The following LRP1B variants were observed in gnomAD, a reference collection of about 807,000 sequenced individuals.
LRP1B encodes low-density lipoprotein receptor-related protein 1B.
Under a neutral mutation model 556.6 loss-of-function variants are expected in LRP1B, and 217 were observed. The ratio of observed to expected loss-of-function variants is 0.39; its 90% CI spans 0.35 to 0.44. The LOEUF is 0.44. Among genes scored for constraint, LRP1B ranks in the 20% least tolerant of loss-of-function variants. The probability of loss-of-function intolerance (pLI) is 1.00; values close to 1 mark genes in which losing one functional copy is unlikely to be tolerated. For synonymous variants in LRP1B, 2,047 were observed against 1,865.8 expected, an observed-to-expected ratio of 1.10 and a Z score of -2.50; for missense variants, 5,053 against 5,620.8, an observed-to-expected ratio of 0.90 and a Z score of 3.23.
intron 2 of LRP1B, among the ~76,000 whole-genome samples, chr2:141,714,955 A>C (rs561246243): frequency 6.6e-6 from 1 of 152,244 alleles, no homozygotes; most frequent in East Asian, 1.9e-4. Flanking sequence ...AAAGATAAAG[A>C]TGTTTTATTA....
intron 1 of LRP1B, among the ~76,000 whole-genome samples, chr2:141,964,200 C>T (rs1205862239): frequency 6.6e-6 from 1 of 150,482 alleles, no homozygotes; most frequent in Non-Finnish European, 1.5e-5. Context: ...ATGCCATCCC[C>T]ATCAAGCTAC....
chr2:140,389,613 A>G (rs1178235009), intron 66 of LRP1B, among the ~76,000 whole-genome samples: 1 of 150,008 alleles, frequency 6.7e-6, no homozygotes, highest in Non-Finnish European at 1.5e-5. Context: ...CATTGCTGAG[A>G]AAAATTGAAT....
intron 2 of LRP1B, among the ~76,000 whole-genome samples, chr2:141,674,941 C>T (rs545176407): frequency 3.9e-5 from 6 of 152,082 alleles, no homozygotes; most frequent in East Asian, 3.9e-4. Context: ...TCCTCAAAAA[C>T]GCTGGCTACT....
At chr2:142,042,246 CAAT>C (rs1704090589) in intron 1 of LRP1B, among the ~76,000 whole-genome samples, 2 of 151,164 alleles carry the variant, frequency 1.3e-5, no homozygotes, top group African/African-American at 2.4e-5. Context: ...TGGAAAACTG[CAAT>C]AATGATGATG....
At chr2:140,854,060 T>TAAA (rs33945219) in intron 27 of LRP1B, among the ~76,000 whole-genome samples, 1 of 108,830 alleles carries the variant, frequency 9.2e-6, no homozygotes, top group African/African-American at 3.3e-5. Context: ...CATATCTGAA[T>TAAA]AAAAAAAAAA....
chr2:140,872,924 T>C (rs1298716032), intron 25 of LRP1B, among the ~76,000 whole-genome samples: 1 of 152,140 alleles, frequency 6.6e-6, no homozygotes, highest in African/African-American at 2.4e-5. Flanking sequence ...TGTATTTATG[T>C]GCATGTACAC....
At chr2:140,713,475 A>G (rs1335494251) in intron 37 of LRP1B, among the ~76,000 whole-genome samples, 2 of 152,052 alleles carry the variant, frequency 1.3e-5, no homozygotes, top group Non-Finnish European at 2.9e-5. Flanking sequence ...ATTCTTAAAG[A>G]TTCTTTATGT....
At chr2:140,531,141 C>T (rs1403031417) in intron 47 of LRP1B, among the ~76,000 whole-genome samples, 8 of 152,108 alleles carry the variant, frequency 5.3e-5, no homozygotes, top group Non-Finnish European at 1.0e-4. Flanking sequence ...CCCATAGTAA[C>T]ATATCATCTT....
At chr2:142,033,817 T>C (rs1235362920) in intron 1 of LRP1B, among the ~76,000 whole-genome samples, 2 of 151,456 alleles carry the variant, frequency 1.3e-5, no homozygotes, top group Non-Finnish European at 3.0e-5. Context: ...GACATTGTGT[T>C]CTATAATAAT....
chr2:141,262,139 A>G (rs551902956), intron 3 of LRP1B, among the ~76,000 whole-genome samples: 171 of 152,032 alleles, frequency 1.1e-3, no homozygotes, highest in African/African-American at 4.0e-3. Context: ...TGCATTTTCT[A>G]ATTATTATTG....
chr2:141,647,827 A>C (rs1689637608), intron 2 of LRP1B, among the ~76,000 whole-genome samples: 1 of 152,016 alleles, frequency 6.6e-6, no homozygotes, highest in African/African-American at 2.4e-5. Context: ...TAAAATTAAG[A>C]AAATTTTAAT....
chr2:141,815,729 C>T (rs759826150), intron 1 of LRP1B, among the ~76,000 whole-genome samples: 15 of 152,158 alleles, frequency 9.9e-5, no homozygotes, highest in Non-Finnish European at 2.2e-4. Flanking sequence ...GCAGCAGCAA[C>T]CTCCTTGGAT....
chr2:140,557,175 A>T (rs1316506436), intron 43 of LRP1B, among the ~76,000 whole-genome samples: 2 of 152,076 alleles, frequency 1.3e-5, no homozygotes, highest in East Asian at 1.9e-4. Flanking sequence ...TTATGCATAC[A>T]TTACTTCCCA....
At chr2:141,022,546 G>T (rs1480578044) in intron 11 of LRP1B, among the ~76,000 whole-genome samples, 1 of 152,024 alleles carries the variant, frequency 6.6e-6, no homozygotes, top group East Asian at 1.9e-4. Context: ...AGATGGAACA[G>T]TTAGACATAT....
At chr2:140,292,578 C>T (rs1683431424) in intron 84 of LRP1B, among the ~76,000 whole-genome samples, 1 of 152,112 alleles carries the variant, frequency 6.6e-6, no homozygotes, top group African/African-American at 2.4e-5. Context: ...TTAGACACCA[C>T]TTCCTTCAAG....
chr2:141,407,633 C>T (rs1168457585), intron 3 of LRP1B, among the ~76,000 whole-genome samples: 1 of 152,086 alleles, frequency 6.6e-6, no homozygotes, highest in African/African-American at 2.4e-5. Context: ...CTCACTTGCT[C>T]CTGCTTTCAC....
chr2:141,646,728 G>A (rs753685843), intron 2 of LRP1B, among the ~76,000 whole-genome samples: 8 of 152,128 alleles, frequency 5.3e-5, no homozygotes, highest in Non-Finnish European at 1.2e-4. Flanking sequence ...TTCTTCTTCA[G>A]CTCTAAAATT....
intron 83 of LRP1B, among the ~76,000 whole-genome samples, chr2:140,304,055 A>T (rs945311940): frequency 1.3e-5 from 2 of 152,106 alleles, no homozygotes; most frequent in African/African-American, 4.8e-5. Flanking sequence ...AATCCAGTCT[A>T]TCGTTGATGG....
chr2:141,718,416 T>G (rs1446227650), intron 2 of LRP1B, among the ~76,000 whole-genome samples: 1 of 152,210 alleles, frequency 6.6e-6, no homozygotes, highest in Admixed American at 6.5e-5. Context: ...AGGATGCTTT[T>G]GTTTCTCTAC....
Sources: gnomAD v4.1 joint callset for allele counts (sites outside exome capture counted in the v4.1 genomes callset) on GRCh38, gnomAD v4.1.1 for gene constraint, MANE v1.5 for transcripts, NCBI Gene and HGNC (gene_info 2026-07-23, HGNC 2026-07-21) for gene names.